Variants in SETD5 observed in about 807,000 individuals in gnomAD.
SETD5 encodes SET domain containing 5.
Under a neutral mutation model 153.3 loss-of-function variants are expected in SETD5, and 44 were observed. The ratio of observed to expected loss-of-function variants is 0.29; its 90% CI spans 0.23 to 0.37. The LOEUF is 0.37. Ranked by LOEUF, SETD5 falls within the 10% of genes least tolerant of loss-of-function variation. SETD5 has a pLI of 1.00. For missense variants in SETD5, 1,544 were observed against 1,768.0 expected, an observed-to-expected ratio of 0.87 and a Z score of 2.27; for synonymous variants, 716 against 645.2, an observed-to-expected ratio of 1.11 and a Z score of -1.66.
intron 1 of SETD5, among the ~76,000 whole-genome samples, chr3:9,419,280 A>T (rs1227893126): frequency 6.6e-6 from 1 of 152,272 alleles, no homozygotes; most frequent in East Asian, 1.9e-4. Flanking sequence ...TATGTATATT[A>T]ATAGTAGTTA....
At chr3:9,432,927 G>T (rs2040140572) in intron 3 of SETD5, among the ~76,000 whole-genome samples, 1 of 152,198 alleles carries the variant, frequency 6.6e-6, no homozygotes, top group Admixed American at 6.5e-5. Flanking sequence ...TTCTGTAGTG[G>T]AAAGAGCATA....
intron 17 of SETD5, among the ~76,000 whole-genome samples, chr3:9,461,716 G>C (rs1312028629): frequency 1.3e-5 from 2 of 152,168 alleles, no homozygotes; most frequent in Non-Finnish European, 2.9e-5. Flanking sequence ...CTTGTACATT[G>C]ATTTGCACGT....
chr3:9,459,392 TTAAC>T (rs2043652395), intron 17 of SETD5, among the ~76,000 whole-genome samples: 1 of 152,084 alleles, frequency 6.6e-6, no homozygotes, highest in East Asian at 1.9e-4. Context: ...TTTTATCAAA[TTAAC>T]TCCCTCTACC....
At chr3:9,454,641 A>G (rs867706633) in intron 17 of SETD5, among the ~76,000 whole-genome samples, 4 of 151,470 alleles carry the variant, frequency 2.6e-5, no homozygotes, top group African/African-American at 9.7e-5. Flanking sequence ...AAAAAAAAAA[A>G]AAAAAAAAAC....
intron 1 of SETD5, among the ~76,000 whole-genome samples, chr3:9,405,419 C>T (rs1201161309): frequency 6.6e-6 from 1 of 152,076 alleles, no homozygotes; most frequent in Non-Finnish European, 1.5e-5. Flanking sequence ...TTAATTAGCT[C>T]TTTGAACATA....
intron 1 of SETD5, among the ~76,000 whole-genome samples, chr3:9,411,849 CAACT>C (rs2036615746): frequency 6.6e-6 from 1 of 152,084 alleles, no homozygotes. Flanking sequence ...TGAAAAGAAC[CAACT>C]GTTAACAAAG....
rs536969924 is a variant in SETD5 at position 9,443,893 on chromosome 3, C to G, written c.1187+476C>G. On this transcript the variant is annotated intron_variant, in intron 11 of 22. Coordinates refer to ENST00000402198, the MANE Select transcript of SETD5 (RefSeq NM_001080517.3). The stretch of plus-strand genomic sequence containing the variant: ...ATCCTGGCCAATGATGAAACCCTGT[C>G]TCTACTAAAAACACAAAAATTAGCT... Among the ~76,000 whole-genome samples the G allele has an allele frequency of 2.0e-4, 31 of 152,240 alleles. No individual in the cohort carries two copies. In the East Asian group the frequency reaches 4.6e-3, roughly 23 times the overall value.
At chr3:9,437,844 A>G (rs2040772633) in intron 7 of SETD5, among the ~76,000 whole-genome samples, 1 of 152,024 alleles carries the variant, frequency 6.6e-6, no homozygotes, top group Non-Finnish European at 1.5e-5. Context: ...CTCTACTAAA[A>G]ATACCAAAAT....
Position 9,476,122 on chromosome 3 carries a change from T to C in SETD5, c.*31T>C, listed in dbSNP as rs1385659623. 1 of 1,600,862 alleles carries C rather than the reference T, an allele frequency of 6.2e-7. No homozygotes were observed. The highest frequency in any genetic ancestry group is 8.5e-7 in the Non-Finnish European group (1 of 1,172,510). On this transcript the variant is annotated 3_prime_UTR_variant, in exon 23 of 23. Coordinates refer to ENST00000402198, the MANE Select transcript of SETD5 (RefSeq NM_001080517.3). ...CTGGATTTGGGCAAACAGAACTGAATGAGCCCATAGCTGCTTCCTTCCAGC... is the reference window on the plus strand; with the variant it reads ...CTGGATTTGGGCAAACAGAACTGAACGAGCCCATAGCTGCTTCCTTCCAGC...
At position 9,445,276 on chromosome 3, in the gene SETD5, A is replaced by G; in HGVS notation, c.1416A>G (p.Lys472=). ...NDQQSQEVPE[K]VTVSSDHEEV... ...AGCAATCACAAGAAGTTCCAGAAAA[A>G]GTAACTGTATCCAGTGATCATGAGG... The change falls in exon 12 of 23, where the codon AAA becomes AAG. Residue 472 remains lysine (K), a synonymous_variant. Transcript: ENST00000402198. The G allele has an allele frequency of 1.0e-5, 16 of 1,606,976 alleles. No individual in the cohort carries two copies. Among genetic ancestry groups the G allele is most frequent in the Non-Finnish European group, 1.4e-5 (16 of 1,176,290 alleles).
intron 2 of SETD5, among the ~76,000 whole-genome samples, chr3:9,425,776 G>A (rs79712244): frequency 1.4e-3 from 212 of 152,028 alleles, no homozygotes; most frequent in African/African-American, 4.7e-3. Flanking sequence ...GGGTTTCACC[G>A]TGAAACCATG....
At position 9,442,163 on chromosome 3, in the gene SETD5, A is replaced by G. The variant is rs1416850864; in HGVS notation, c.995A>G (p.Asn332Ser). 5 of 1,612,944 alleles carry G rather than the reference A, an allele frequency of 3.1e-6. No individual in the cohort carries two copies. The Admixed American group carries it at 5.0e-5, about 16-fold the overall frequency. ...YPFVLFYSKFNGVEMCVDART... is the reference protein window; with the variant it reads ...YPFVLFYSKFSGVEMCVDART... ...TTTGTGCTCTTCTACTCAAAATTCAATGGTGTAGAGATGTGTGTGGATGCC... is the reference window on the plus strand; with the variant it reads ...TTTGTGCTCTTCTACTCAAAATTCAGTGGTGTAGAGATGTGTGTGGATGCC... The change falls in exon 10 of 23, where the codon AAT (asparagine) becomes AGT (serine). Residue 332 changes from asparagine to serine, a missense_variant. Asn to Ser is a conservative substitution (Grantham distance 46). Around this residue, in one of 9 missense-constraint regions of SETD5, gnomAD observed 46 missense variants for 111.8 expected, o/e 0.41. Coordinates refer to ENST00000402198, the MANE Select transcript of SETD5 (RefSeq NM_001080517.3).
chr3:9,419,570 A>T (rs189059415), intron 1 of SETD5, among the ~76,000 whole-genome samples: 1 of 152,324 alleles, frequency 6.6e-6, no homozygotes, highest in East Asian at 1.9e-4. Context: ...AAAAATAAAA[A>T]TAAAAACAAT....
intron 1 of SETD5, among the ~76,000 whole-genome samples, chr3:9,413,649 G>GGGGGTGTGTGT (rs200761097): frequency 1.4e-5 from 2 of 140,366 alleles, no homozygotes; most frequent in Non-Finnish European, 1.5e-5. Flanking sequence ...GGGGAGGCGG[G>GGGGGTGTGTGT]GTGTGTGTGT....
At chr3:9,415,915 C>G (rs1468926344) in intron 1 of SETD5, among the ~76,000 whole-genome samples, 1 of 151,536 alleles carries the variant, frequency 6.6e-6, no homozygotes, top group Non-Finnish European at 1.5e-5. Context: ...GGTTCTGTTG[C>G]CCAGGCTGGA....
intron 18 of SETD5, among the ~76,000 whole-genome samples, chr3:9,467,028 A>C (rs1272474594): frequency 6.6e-6 from 1 of 150,958 alleles, no homozygotes; most frequent in African/African-American, 2.4e-5. Context: ...TCCCATCTCT[A>C]AAAATAATTT....
intron 16 of SETD5, among the ~76,000 whole-genome samples, chr3:9,452,231 A>G (rs1358826605): frequency 6.6e-6 from 1 of 152,334 alleles, no homozygotes; most frequent in Admixed American, 6.5e-5. Context: ...ATATTAAAAA[A>G]TTACTCAGAT....
intron 1 of SETD5, among the ~76,000 whole-genome samples, chr3:9,412,106 G>T (rs1309259835): frequency 6.6e-6 from 1 of 151,886 alleles, no homozygotes; most frequent in Non-Finnish European, 1.5e-5. Context: ...TTTAACACTA[G>T]AATTTTGAGA....
intron 1 of SETD5, among the ~76,000 whole-genome samples, chr3:9,404,264 C>G (rs2035303296): frequency 6.6e-6 from 1 of 152,292 alleles, no homozygotes. Context: ...AAAAAACTGC[C>G]TTTCGTACAC....
Sources: gnomAD v4.1 joint callset for allele counts (sites outside exome capture counted in the v4.1 genomes callset) on GRCh38, gnomAD v4.1.1 for gene constraint, gnomAD v4.1.1 regional missense constraint, MANE v1.5 for transcripts, NCBI Gene and HGNC (gene_info 2026-07-23, HGNC 2026-07-21) for gene names.